The following CPNE4 variants were observed in gnomAD, a reference collection of about 807,000 sequenced individuals.
CPNE4 encodes the protein copine 4, also known as copine-4.
CPNE4 carries 25 observed loss-of-function variants against 67.9 expected under a neutral mutation model. The observed-to-expected ratio is 0.37, with a 90% CI of 0.27 to 0.51. The LOEUF is 0.51. Ranked by LOEUF, CPNE4 falls within the 20% of genes least tolerant of loss-of-function variation. CPNE4 has a pLI of 0.93. For missense variants in CPNE4, 464 were observed against 690.8 expected, an observed-to-expected ratio of 0.67 and a Z score of 3.68; for synonymous variants, 242 against 244.9, an observed-to-expected ratio of 0.99 and a Z score of 0.11.
chr3:131,732,645 C>G (rs1053051748), intron 2 of CPNE4, among the ~76,000 whole-genome samples: 4 of 152,202 alleles, frequency 2.6e-5, no homozygotes, highest in African/African-American at 9.7e-5. Context: ...CTGACTATTG[C>G]TAGTCCCAGG....
intron 2 of CPNE4, among the ~76,000 whole-genome samples, chr3:131,899,856 T>C (rs2088483720): frequency 6.6e-6 from 1 of 152,122 alleles, no homozygotes; most frequent in African/African-American, 2.4e-5. Flanking sequence ...GTTTAATACA[T>C]GAAAGGGTGC....
intron 2 of CPNE4, among the ~76,000 whole-genome samples, chr3:131,811,672 C>T (rs995174633): frequency 6.6e-6 from 1 of 152,128 alleles, no homozygotes; most frequent in Admixed American, 6.6e-5. Context: ...CTCTGAGTGT[C>T]CCAGCGGGAG....
intron 2 of CPNE4, among the ~76,000 whole-genome samples, chr3:131,749,538 G>A (rs1268696554): frequency 6.6e-6 from 1 of 152,078 alleles, no homozygotes; most frequent in Admixed American, 6.6e-5. Flanking sequence ...CAATTGCTGA[G>A]AGAGGGGTGT....
At chr3:131,801,310 A>G (rs1293076534) in intron 2 of CPNE4, among the ~76,000 whole-genome samples, 1 of 144,588 alleles carries the variant, frequency 6.9e-6, no homozygotes, top group Non-Finnish European at 1.5e-5. Context: ...TCCCAATAAA[A>G]TTCTGTCTAG....
At chr3:131,904,053 C>A (rs542652613) in intron 2 of CPNE4, among the ~76,000 whole-genome samples, 1 of 152,134 alleles carries the variant, frequency 6.6e-6, no homozygotes. Flanking sequence ...GGGCCCATCG[C>A]TCTTTGAAGA....
intron 7 of CPNE4, among the ~76,000 whole-genome samples, chr3:131,616,229 A>C (rs1290913742): frequency 8.6e-5 from 13 of 151,598 alleles, no homozygotes; most frequent in Non-Finnish European, 1.9e-4. Context: ...TGGGAGTAGG[A>C]GCAAGAGAAT....
chr3:131,890,461 T>C (rs2088070512), intron 2 of CPNE4, among the ~76,000 whole-genome samples: 1 of 151,634 alleles, frequency 6.6e-6, no homozygotes. Flanking sequence ...TTAGTGAGAT[T>C]GTGGAGAAAT....
rs181083678 is a variant in CPNE4 at position 131,646,659 on chromosome 3, C to T, written c.681+23016G>A. Among the ~76,000 whole-genome samples, 208 of 152,306 alleles carry T rather than the reference C, an allele frequency of 1.4e-3. 1 individual carries two copies. The highest frequency in any genetic ancestry group is 4.9e-3 in the African/African-American group (202 of 41,572). On this transcript the variant is annotated intron_variant, in intron 7 of 15. Transcript: ENST00000429747. The stretch of plus-strand genomic sequence containing the variant: ...TGGATACCCCATTCTTCAAGATGTG[C>T]TTATATTACATTGCATGCCTGCAAC...
chr3:132,039,444 A>G (rs552763298), upstream of CPNE4: 1 of 152,378 alleles, frequency 6.6e-6, no homozygotes, highest in African/African-American at 2.4e-5. Context: ...AAAGTCTTCC[A>G]TTGATTCAAG....
chr3:131,871,791 TG>T (rs1453412035), intron 2 of CPNE4, among the ~76,000 whole-genome samples: 3 of 152,240 alleles, frequency 2.0e-5, no homozygotes, highest in Non-Finnish European at 4.4e-5. Flanking sequence ...CTATTACCTC[TG>T]GAACTATGAC....
At chr3:131,567,177 T>C (rs1032710253) in intron 10 of CPNE4, among the ~76,000 whole-genome samples, 8 of 151,868 alleles carry the variant, frequency 5.3e-5, no homozygotes, top group African/African-American at 1.7e-4. Flanking sequence ...TGTCTTGATA[T>C]AAAACTAGAC....
At chr3:131,551,354 G>C (rs924586623) in intron 13 of CPNE4, among the ~76,000 whole-genome samples, 2 of 152,030 alleles carry the variant, frequency 1.3e-5, no homozygotes, top group Middle Eastern at 3.4e-3. Flanking sequence ...ATGTTTTTTT[G>C]GTTCTTGAGC....
intron 2 of CPNE4, among the ~76,000 whole-genome samples, chr3:131,832,756 T>C (rs1002842028): frequency 6.6e-6 from 1 of 152,116 alleles, no homozygotes; most frequent in Non-Finnish European, 1.5e-5. Flanking sequence ...ATGATTTAGA[T>C]GACATTTAAA....
At chr3:131,907,883 G>A (rs2088832360) in intron 1 of CPNE4, among the ~76,000 whole-genome samples, 1 of 151,972 alleles carries the variant, frequency 6.6e-6, no homozygotes, top group African/African-American at 2.4e-5. Context: ...TATGTGTTGG[G>A]AAATTAGTTT....
intron 1 of CPNE4, among the ~76,000 whole-genome samples, chr3:131,909,446 C>T (rs367595248): frequency 1.3e-5 from 2 of 152,230 alleles, no homozygotes; most frequent in Admixed American, 1.3e-4. Flanking sequence ...GGTCAATTGT[C>T]TCATCCTCCC....
intron 1 of CPNE4, among the ~76,000 whole-genome samples, chr3:132,023,626 C>T (rs1159151575): frequency 6.0e-5 from 9 of 150,844 alleles, no homozygotes; most frequent in African/African-American, 4.9e-5. Flanking sequence ...TAGCTGGGAC[C>T]ACAAGCACCC....
chr3:131,534,223 G>A lies in CPNE4; in HGVS notation c.*972C>T, dbSNP rs138806459. On this transcript the variant is annotated 3_prime_UTR_variant, in exon 16 of 16. Transcript: ENST00000429747. ...GACTGGCCAGGAGGAGCACTTTCTA[G>A]TCTTATCTAAGGAAGAGGTGTGAGT... 1.3e-5 allele frequency: 2 copies of A among 152,328 alleles called. No individual in the cohort carries two copies. The highest frequency in any genetic ancestry group is 2.4e-5 in the African/African-American group (1 of 41,574). The allele number at this position is 152,328 out of a possible 1,614,324, so 9.4% of individuals were successfully genotyped here. A position where few individuals can be genotyped will look rare whatever the true frequency, so the allele number is the denominator to read the frequency against.
At chr3:131,696,156 G>A (rs2081152166) in intron 5 of CPNE4, among the ~76,000 whole-genome samples, 1 of 152,202 alleles carries the variant, frequency 6.6e-6, no homozygotes, top group Non-Finnish European at 1.5e-5. Context: ...GAATAAATGT[G>A]ATACCACATA....
At chr3:131,776,052 C>T (rs1252902984) in intron 2 of CPNE4, among the ~76,000 whole-genome samples, 2 of 152,126 alleles carry the variant, frequency 1.3e-5, no homozygotes, top group Non-Finnish European at 2.9e-5. Flanking sequence ...CAGGTGTCCT[C>T]TTTCAGGCTT....
Sources: allele counts gnomAD v4.1 joint callset (sites outside exome capture counted in the v4.1 genomes callset), GRCh38; gene constraint gnomAD v4.1.1; transcripts MANE v1.5; gene names NCBI Gene and HGNC (gene_info 2026-07-23, HGNC 2026-07-21).